Variants in ABCC1 observed in about 807,000 individuals in gnomAD.
The protein encoded by ABCC1 is ATP binding cassette subfamily C member 1 (ABCC1 blood group).
ABCC1 carries 83 observed loss-of-function variants against 172.9 expected under a neutral mutation model. The observed-to-expected ratio is 0.48, with a 90% confidence interval of 0.40 to 0.58. ABCC1 has a LOEUF of 0.58. ABCC1 is among the 20% of genes least tolerant of loss of function. The probability of loss-of-function intolerance (pLI) is 0.00; values close to 1 mark genes in which losing one functional copy is unlikely to be tolerated. For missense variants in ABCC1, 1,817 were observed against 2,002.7 expected (o/e 0.91, Z 1.77); for synonymous variants, 937 against 825.2 (o/e 1.14, Z -2.32).
At chr16:16,021,750 C>T (rs952545555) in intron 5 of ABCC1, among the ~76,000 whole-genome samples, 1 of 152,064 alleles carries the variant, frequency 6.6e-6, no homozygotes, top group Non-Finnish European at 1.5e-5. Context: ...ACAAAATAAC[C>T]ACATAACTAC....
At chr16:16,118,883 T>TAAAAAAA (rs397855738) in intron 23 of ABCC1, among the ~76,000 whole-genome samples, 4 of 118,418 alleles carry the variant, frequency 3.4e-5, no homozygotes, top group African/African-American at 3.2e-5. Flanking sequence ...AAGTGTATAT[T>TAAAAAAA]AAAAAAAAAA....
At chr16:16,009,723 G>C in intron 2 of ABCC1, 53 bp from the exon 3 acceptor site, 1 of 1,514,192 alleles carries the variant, frequency 6.6e-7, no homozygotes. Flanking sequence ...TGCAGGCCCT[G>C]GGGGAGGTTC....
At chr16:16,069,869 C>T (rs2050268364) in intron 13 of ABCC1, among the ~76,000 whole-genome samples, 1 of 152,070 alleles carries the variant, frequency 6.6e-6, no homozygotes, top group Non-Finnish European at 1.5e-5. Context: ...ACTAAAAATA[C>T]AAAAATTAGC....
chr16:16,133,522 G>A (rs550325842), intron 27 of ABCC1, among the ~76,000 whole-genome samples: 36 of 152,128 alleles, frequency 2.4e-4, no homozygotes, highest in Non-Finnish European at 3.8e-4. Context: ...TCCTGCCTCC[G>A]TCTCCCGAGT....
intron 4 of ABCC1, among the ~76,000 whole-genome samples, chr16:16,016,160 T>TTG (rs1252596047): frequency 6.9e-6 from 1 of 145,830 alleles, no homozygotes; most frequent in Non-Finnish European, 1.5e-5. Context: ...TTTTTTTTTT[T>TTG]TTTTTTTTTT....
chr16:16,118,996 G>A (rs954379747), intron 23 of ABCC1, among the ~76,000 whole-genome samples: 1 of 151,928 alleles, frequency 6.6e-6, no homozygotes, highest in Admixed American at 6.6e-5. Flanking sequence ...CAGGACCGTG[G>A]AGAAATAAAT....
chr16:15,983,091 A>G (rs771135529), intron 1 of ABCC1, among the ~76,000 whole-genome samples: 18 of 152,162 alleles, frequency 1.2e-4, no homozygotes, highest in Non-Finnish European at 1.8e-4. Flanking sequence ...GCACAGTACA[A>G]AGTACCATGA....
At chr16:15,967,271 T>A (rs1010800971) in intron 1 of ABCC1, among the ~76,000 whole-genome samples, 7 of 152,062 alleles carry the variant, frequency 4.6e-5, no homozygotes, top group African/African-American at 1.7e-4. Context: ...TTCAGGAGCC[T>A]AGGTTTGAAA....
intron 23 of ABCC1, among the ~76,000 whole-genome samples, chr16:16,117,019 G>C (rs1184142909): frequency 6.6e-6 from 1 of 152,186 alleles, no homozygotes; most frequent in Non-Finnish European, 1.5e-5. Context: ...CCGCGGATGG[G>C]ACTGGGGGGG....
intron 1 of ABCC1, among the ~76,000 whole-genome samples, chr16:15,962,729 A>T (rs981522320): frequency 6.6e-6 from 1 of 152,200 alleles, no homozygotes; most frequent in African/African-American, 2.4e-5. Flanking sequence ...GCATGGGGGA[A>T]CCGCTCCCAT....
At chr16:16,082,015 CA>C (rs930961762) in intron 16 of ABCC1, among the ~76,000 whole-genome samples, 35 of 151,428 alleles carry the variant, frequency 2.3e-4, no homozygotes, top group Admixed American at 1.3e-4. Context: ...GGCTTCGTTT[CA>C]AAAAAAAATC....
intron 23 of ABCC1, among the ~76,000 whole-genome samples, chr16:16,117,051 G>C (rs1465866036): frequency 6.6e-6 from 1 of 152,166 alleles, no homozygotes; most frequent in Non-Finnish European, 1.5e-5. Context: ...CTACTCAGAA[G>C]GGTGCACAAT....
At chr16:16,116,087 G>T (rs373232912) in intron 23 of ABCC1, among the ~76,000 whole-genome samples, 2 of 152,090 alleles carry the variant, frequency 1.3e-5, no homozygotes, top group African/African-American at 4.8e-5. Flanking sequence ...TGTATTTTCA[G>T]TAGAGACAAG....
chr16:16,090,493 G>A lies in ABCC1; in HGVS notation c.2549G>A (p.Gly850Asp), dbSNP rs772679953. 2 of 1,613,896 alleles carry A rather than the reference G, an allele frequency of 1.2e-6. No individual in the cohort carries two copies. Among genetic ancestry groups the A allele is most frequent in the South Asian group, 1.1e-5 (1 of 91,068 alleles). The part of the protein sequence containing the change: ...VMSGGKISEM[G>D]SYQELLARDG... The stretch of plus-strand genomic sequence containing the variant: ...AGTGGCGGCAAGATCTCTGAGATGG[G>A]CTCCTACCAGGAGCTGCTGGCTCGA... The change falls in exon 19 of 31, where the codon GGC becomes GAC. Residue 850 changes from glycine to aspartate, a missense_variant. Physicochemically the swap from Gly to Asp is moderately conservative, Grantham distance 94. Coordinates refer to ENST00000399410, the MANE Select transcript of ABCC1 (RefSeq NM_004996.4).
intron 1 of ABCC1, among the ~76,000 whole-genome samples, chr16:16,006,754 TA>T (rs1281280697): frequency 1.3e-5 from 2 of 151,738 alleles, no homozygotes; most frequent in Non-Finnish European, 2.9e-5. Context: ...AAGGAGATGA[TA>T]AAAATAATTA....
At chr16:15,967,598 T>TAATA (rs1403903957) in intron 1 of ABCC1, among the ~76,000 whole-genome samples, 161 of 137,770 alleles carry the variant, frequency 1.2e-3, no homozygotes, top group Admixed American at 1.9e-3. Context: ...TAATAATAAT[T>TAATA]ATTATTATTA....
At chr16:16,009,535 C>A (rs551795289) in intron 2 of ABCC1, among the ~76,000 whole-genome samples, 9 of 152,186 alleles carry the variant, frequency 5.9e-5, no homozygotes, top group African/African-American at 2.2e-4. Context: ...GACAAACAGT[C>A]CTGTTGGAGG....
At chr16:16,059,355 C>T (rs909664833) in intron 12 of ABCC1, among the ~76,000 whole-genome samples, 5 of 152,176 alleles carry the variant, frequency 3.3e-5, no homozygotes, top group Non-Finnish European at 5.9e-5. Flanking sequence ...AAATACCAGT[C>T]TCTTCCAGCG....
At chr16:15,978,063 A>G (rs1642449957) in intron 1 of ABCC1, among the ~76,000 whole-genome samples, 1 of 152,108 alleles carries the variant, frequency 6.6e-6, no homozygotes, top group South Asian at 2.1e-4. Context: ...TCGTCTTCAC[A>G]ATGTCTCTGA....
Sources: allele counts gnomAD v4.1 joint callset (sites outside exome capture counted in the v4.1 genomes callset), GRCh38; gene constraint gnomAD v4.1.1; transcripts MANE v1.5; gene names NCBI Gene and HGNC (gene_info 2026-07-23, HGNC 2026-07-21).